The following PCDH15 variants were observed in gnomAD, a reference collection of about 807,000 sequenced individuals.
PCDH15 encodes protocadherin related 15.
PCDH15 carries 129 observed loss-of-function variants against 178.5 expected under a neutral mutation model. The ratio of observed to expected loss-of-function variants is 0.72; its 90% CI spans 0.63 to 0.84. The LOEUF is 0.84. Ranked by LOEUF, PCDH15 falls within the 40% of genes least tolerant of loss-of-function variation. The pLI is 0.00. For missense variants in PCDH15, 2,230 were observed against 2,099.9 expected (o/e 1.06, Z -1.21); for synonymous variants, 800 against 732.0 (o/e 1.09, Z -1.50).
At chr10:54,115,892 C>A (rs374626692) in intron 15 of PCDH15, among the ~76,000 whole-genome samples, 1 of 152,120 alleles carries the variant, frequency 6.6e-6, no homozygotes, top group Admixed American at 6.5e-5. Flanking sequence ...AGACAGAGAG[C>A]TAAACTAGAC....
intron 2 of PCDH15, among the ~76,000 whole-genome samples, chr10:55,551,717 C>A (rs1842007126): frequency 6.6e-6 from 1 of 151,664 alleles, no homozygotes; most frequent in African/African-American, 2.4e-5. Flanking sequence ...CTTCTGAGAG[C>A]TATTACTGTG....
Position 53,805,674 on chromosome 10 carries a change from C to CAA in PCDH15, c.*903_*904dup, listed in dbSNP as rs1554814241. 2.6e-5 allele frequency: 4 copies of CAA among 152,170 alleles called. No individual in the cohort carries two copies. Among genetic ancestry groups the CAA allele is most frequent in the South Asian group, 4.1e-4 (2 of 4,832 alleles). The allele number at this position is 152,170 out of a possible 1,614,324, so 9.4% of individuals were successfully genotyped here. ...CCTTTACTCTGATATGCTGGGTTTA[C>CAA]AAACTATTAAAGTCTAGTGACATTA... is the stretch of plus-strand genomic sequence containing the variant. On this transcript the variant is annotated 3_prime_UTR_variant, in exon 38 of 38. Coordinates refer to ENST00000644397, the MANE Select transcript of PCDH15 (RefSeq NM_001384140.1).
intron 2 of PCDH15, among the ~76,000 whole-genome samples, chr10:54,608,311 A>G (rs1049951646): frequency 6.6e-6 from 1 of 151,860 alleles, no homozygotes. Context: ...CTACCAAAAA[A>G]AAAAAAGAAA....
intron 2 of PCDH15, among the ~76,000 whole-genome samples, chr10:55,108,315 A>T (rs1837408764): frequency 6.6e-6 from 1 of 152,230 alleles, no homozygotes; most frequent in Non-Finnish European, 1.5e-5. Context: ...TGTGCTCATT[A>T]TAGCATTATT....
chr10:55,115,314 A>G (rs1340502429), intron 2 of PCDH15, among the ~76,000 whole-genome samples: 1 of 152,202 alleles, frequency 6.6e-6, no homozygotes, highest in Non-Finnish European at 1.5e-5. Flanking sequence ...AAGGCCTTTG[A>G]CACTGGTAGC....
chr10:54,447,590 C>T (rs2136241674), intron 3 of PCDH15, among the ~76,000 whole-genome samples: 1 of 151,692 alleles, frequency 6.6e-6, no homozygotes, highest in South Asian at 2.1e-4. Context: ...GCCCATTAAC[C>T]TTTTGTAGAT....
chr10:54,982,819 A>C (rs1283464139), intron 2 of PCDH15, among the ~76,000 whole-genome samples: 4 of 152,182 alleles, frequency 2.6e-5, no homozygotes, highest in Non-Finnish European at 5.9e-5. Flanking sequence ...TGTAAGCATT[A>C]TATTGATAAT....
chr10:54,150,111 T>G (rs2044374914), intron 14 of PCDH15, among the ~76,000 whole-genome samples: 1 of 152,082 alleles, frequency 6.6e-6, no homozygotes, highest in Non-Finnish European at 1.5e-5. Flanking sequence ...TGACTTCCAG[T>G]ATGTAGATGA....
At chr10:55,208,065 T>C (rs1387075385) in intron 1 of PCDH15, among the ~76,000 whole-genome samples, 1 of 152,172 alleles carries the variant, frequency 6.6e-6, no homozygotes, top group Non-Finnish European at 1.5e-5. Flanking sequence ...TGCTTGAATA[T>C]TCTATAATTT....
At chr10:55,117,713 C>G (rs1024812959) in intron 2 of PCDH15, among the ~76,000 whole-genome samples, 3 of 152,050 alleles carry the variant, frequency 2.0e-5, no homozygotes, top group Non-Finnish European at 4.4e-5. Context: ...CTCTGTGAGG[C>G]AAGAAAATCT....
intron 2 of PCDH15, among the ~76,000 whole-genome samples, chr10:55,404,959 C>T (rs1838161357): frequency 6.6e-6 from 1 of 151,696 alleles, no homozygotes; most frequent in African/African-American, 2.4e-5. Flanking sequence ...TCTTCTTCCA[C>T]CTAATTAGCT....
intron 3 of PCDH15, among the ~76,000 whole-genome samples, chr10:54,497,112 A>G (rs1262644086): frequency 6.6e-6 from 1 of 152,076 alleles, no homozygotes; most frequent in African/African-American, 2.4e-5. Context: ...AAGGGGCCAG[A>G]GAACAAAGCC....
chr10:54,599,928 T>C, intron 2 of PCDH15: 2 of 836,162 alleles, frequency 2.4e-6, no homozygotes, highest in East Asian at 5.6e-5. Context: ...AAGTGGCCAC[T>C]AAGGAGGAGT....
At chr10:55,304,658 C>G (rs988689777) in intron 1 of PCDH15, among the ~76,000 whole-genome samples, 2 of 152,102 alleles carry the variant, frequency 1.3e-5, no homozygotes, top group African/African-American at 4.8e-5. Context: ...TGTACAAGTT[C>G]TGAACTAATT....
At chr10:53,856,967 G>A (rs187527150) in intron 28 of PCDH15, among the ~76,000 whole-genome samples, 1 of 152,030 alleles carries the variant, frequency 6.6e-6, no homozygotes, top group Non-Finnish European at 1.5e-5. Flanking sequence ...AGGATGGGAG[G>A]GGCATGAGGG....
chr10:53,876,866 C>T lies in PCDH15; in HGVS notation c.3502-10009G>A, dbSNP rs557918863. ...AAACAGCAATGTAATAATGGAAACA[C>T]GCCAGTGCAACAATAATAGAGACAT... On this transcript the variant is annotated intron_variant, in intron 26 of 37. Coordinates refer to ENST00000644397, the MANE Select transcript of PCDH15 (RefSeq NM_001384140.1). Among the ~76,000 whole-genome samples, 21 of 152,126 alleles carry T rather than the reference C, an allele frequency of 1.4e-4. 1 individual carries two copies. In the Middle Eastern group the frequency reaches 0.027, roughly 197 times the overall value.
intron 2 of PCDH15, among the ~76,000 whole-genome samples, chr10:55,066,592 T>C (rs2132006218): frequency 6.7e-6 from 1 of 150,290 alleles, no homozygotes; most frequent in East Asian, 1.9e-4. Context: ...ATTGATTTAT[T>C]TTATTCTAAG....
chr10:54,126,324 C>A lies in PCDH15; in HGVS notation c.1917+6551G>T, dbSNP rs1417204802. ...GACCTAAGGTAATCCAACCCCTCAGCCTCTCAAACACTTTTTTCTACATTT... is the reference window on the plus strand; with the variant it reads ...GACCTAAGGTAATCCAACCCCTCAGACTCTCAAACACTTTTTTCTACATTT... On this transcript the variant is annotated intron_variant, in intron 15 of 37. Transcript: ENST00000644397. 2.6e-5 allele frequency among the ~76,000 whole-genome samples: 4 copies of A among 152,086 alleles called. No individual in the cohort carries two copies. The East Asian group carries it at 7.8e-4, about 29-fold the overall frequency.
At chr10:55,449,441 G>A (rs2132079012) in intron 2 of PCDH15, among the ~76,000 whole-genome samples, 1 of 152,162 alleles carries the variant, frequency 6.6e-6, no homozygotes, top group East Asian at 1.9e-4. Flanking sequence ...CACCTACAAT[G>A]CAGTGTCTAT....
Sources: allele counts gnomAD v4.1 joint callset (sites outside exome capture counted in the v4.1 genomes callset), GRCh38; gene constraint gnomAD v4.1.1; transcripts MANE v1.5; gene names NCBI Gene and HGNC (gene_info 2026-07-23, HGNC 2026-07-21).